Variants in GPC6 observed in about 807,000 individuals in gnomAD.
GPC6 encodes glypican 6, also known as glypican-6.
In GPC6, 14 loss-of-function variants were observed where a neutral mutation model predicts 55.2. The ratio of observed to expected loss-of-function variants is 0.25; its 90% CI spans 0.17 to 0.40. GPC6 has a LOEUF of 0.40. GPC6 is among the 10% of genes least tolerant of loss of function. GPC6 has a pLI of 1.00. For synonymous variants in GPC6, 278 were observed against 259.6 expected (o/e 1.07, Z -0.68); for missense variants, 641 against 708.5 (o/e 0.90, Z 1.08).
chr13:93,313,768 A>T (rs1009891433), intron 1 of GPC6, among the ~76,000 whole-genome samples: 3 of 152,054 alleles, frequency 2.0e-5, no homozygotes, highest in African/African-American at 7.2e-5. Flanking sequence ...CTGGGCTCAA[A>T]CAATCCTCCT....
chr13:93,681,693 A>G (rs1881851049), intron 2 of GPC6, among the ~76,000 whole-genome samples: 1 of 152,198 alleles, frequency 6.6e-6, no homozygotes, highest in African/African-American at 2.4e-5. Context: ...AAAGGAAGCA[A>G]TCCATTTAAA....
chr13:94,017,133 AG>A (rs1882499297), intron 3 of GPC6, among the ~76,000 whole-genome samples: 1 of 152,136 alleles, frequency 6.6e-6, no homozygotes, highest in South Asian at 2.1e-4. Flanking sequence ...GTGCCTGGCC[AG>A]TTTTCTTAAC....
At chr13:94,208,908 T>C (rs1433896596) in intron 4 of GPC6, among the ~76,000 whole-genome samples, 1 of 151,960 alleles carries the variant, frequency 6.6e-6, no homozygotes, top group African/African-American at 2.4e-5. Flanking sequence ...GCCTGGGAGA[T>C]GGAGCAAGAC....
chr13:93,749,165 A>G (rs1316846), intron 2 of GPC6, among the ~76,000 whole-genome samples: 1 of 151,920 alleles, frequency 6.6e-6, no homozygotes. Context: ...AACTTCTCAC[A>G]TACTCTTTAT....
intron 1 of GPC6, among the ~76,000 whole-genome samples, chr13:93,245,872 A>C (rs1184581611): frequency 6.6e-6 from 1 of 152,204 alleles, no homozygotes; most frequent in African/African-American, 2.4e-5. Context: ...AGTCTATCCC[A>C]TGTCTGCCTG....
chr13:93,756,012 T>C (rs1884756759), intron 2 of GPC6, among the ~76,000 whole-genome samples: 1 of 152,192 alleles, frequency 6.6e-6, no homozygotes, highest in South Asian at 2.1e-4. Flanking sequence ...TCCTCTGTGA[T>C]GGAGAAAAAT....
chr13:94,072,492 T>C (rs1312696110), intron 4 of GPC6, among the ~76,000 whole-genome samples: 1 of 152,154 alleles, frequency 6.6e-6, no homozygotes, highest in African/African-American at 2.4e-5. Flanking sequence ...TAGCTGGGAC[T>C]ACAGGCACGT....
At chr13:93,740,975 T>G (rs1047477595) in intron 2 of GPC6, among the ~76,000 whole-genome samples, 9 of 152,260 alleles carry the variant, frequency 5.9e-5, no homozygotes, top group African/African-American at 2.2e-4. Flanking sequence ...TCATTAGTTT[T>G]TTTATATGTT....
At chr13:93,481,146 G>T (rs914695250) in intron 1 of GPC6, among the ~76,000 whole-genome samples, 2 of 152,066 alleles carry the variant, frequency 1.3e-5, no homozygotes, top group Non-Finnish European at 2.9e-5. Context: ...GTCGTAAAGT[G>T]GTATCTCATT....
chr13:94,361,375 AG>A (rs1879053103), intron 6 of GPC6, among the ~76,000 whole-genome samples: 3 of 152,256 alleles, frequency 2.0e-5, no homozygotes, highest in Admixed American at 2.0e-4. Flanking sequence ...ATATTTAAAC[AG>A]GGAACCCTGC....
chr13:94,055,095 G>A (rs895441544), intron 4 of GPC6, among the ~76,000 whole-genome samples: 24 of 152,188 alleles, frequency 1.6e-4, no homozygotes, highest in African/African-American at 2.9e-4. Flanking sequence ...GGATATTGTC[G>A]TCTGACAGGG....
chr13:94,367,520 A>T (rs1879336161), intron 6 of GPC6, among the ~76,000 whole-genome samples: 1 of 152,206 alleles, frequency 6.6e-6, no homozygotes, highest in African/African-American at 2.4e-5. Flanking sequence ...GCAAAAATCT[A>T]ACCTGAACAG....
intron 2 of GPC6, among the ~76,000 whole-genome samples, chr13:93,788,361 A>G (rs1482424487): frequency 6.6e-6 from 1 of 152,150 alleles, no homozygotes; most frequent in Non-Finnish European, 1.5e-5. Flanking sequence ...AGGAGACCTC[A>G]TGGCCTAATC....
At chr13:93,700,103 A>C (rs969634903) in intron 2 of GPC6, among the ~76,000 whole-genome samples, 4 of 152,152 alleles carry the variant, frequency 2.6e-5, no homozygotes, top group African/African-American at 9.6e-5. Context: ...ATACTATATT[A>C]AGTCCAAGAA....
intron 4 of GPC6, among the ~76,000 whole-genome samples, chr13:94,196,271 A>T (rs779831184): frequency 7.9e-5 from 12 of 151,586 alleles, no homozygotes; most frequent in South Asian, 2.1e-4. Flanking sequence ...GAAATTTTTT[A>T]AAATTTTTTA....
At position 93,705,460 on chromosome 13, in the gene GPC6, G is replaced by A. The variant is rs9524174; in HGVS notation, c.320-124694G>A. Among the ~76,000 whole-genome samples the A allele has an allele frequency of 2.0e-5, 3 of 151,818 alleles. No individual in the cohort carries two copies. The South Asian group carries it at 6.2e-4, about 32-fold the overall frequency. On this transcript the variant is annotated intron_variant, in intron 2 of 8. Transcript: ENST00000377047. Reference sequence around the variant, plus strand: ...ATTGTAACTTAAATGTGTTTTATAAGTGTAATATAGGTTTGTGAAAATTTG... The same window carrying A: ...ATTGTAACTTAAATGTGTTTTATAAATGTAATATAGGTTTGTGAAAATTTG...
At chr13:93,940,922 C>T (rs1362997250) in intron 3 of GPC6, among the ~76,000 whole-genome samples, 1 of 152,098 alleles carries the variant, frequency 6.6e-6, no homozygotes, top group Non-Finnish European at 1.5e-5. Context: ...ATTGCTGAAG[C>T]TGAATGATAG....
intron 3 of GPC6, among the ~76,000 whole-genome samples, chr13:93,835,279 A>G (rs550404879): frequency 6.6e-5 from 10 of 151,912 alleles, no homozygotes; most frequent in South Asian, 4.2e-4. Flanking sequence ...ACATGGTAAA[A>G]TCCTATCTCT....
chr13:93,256,781 T>G (rs1324254184), intron 1 of GPC6, among the ~76,000 whole-genome samples: 1 of 152,142 alleles, frequency 6.6e-6, no homozygotes. Context: ...CACATGAACT[T>G]GGCCCTCAAG....
Sources: gnomAD v4.1 joint callset for allele counts (sites outside exome capture counted in the v4.1 genomes callset) on GRCh38, gnomAD v4.1.1 for gene constraint, MANE v1.5 for transcripts, NCBI Gene and HGNC (gene_info 2026-07-23, HGNC 2026-07-21) for gene names.